The following C12orf42 variants were observed in gnomAD, a reference collection of about 807,000 sequenced individuals.
C12orf42 encodes the protein chromosome 12 open reading frame 42.
In C12orf42, 25 loss-of-function variants were observed where a neutral mutation model predicts 21.6. That is an observed-to-expected ratio of 1.16 (90% CI 0.84 to 1.62). The LOEUF (loss-of-function observed/expected upper bound fraction) is 1.62. Ranked by LOEUF, C12orf42 falls within the 40% of genes most tolerant of loss-of-function variation. The pLI is 0.00. For missense variants in C12orf42, 483 were observed against 459.3 expected, an observed-to-expected ratio of 1.05 and a Z score of -0.47; for synonymous variants, 174 against 175.0, an observed-to-expected ratio of 0.99 and a Z score of 0.05.
intron 2 of C12orf42, among the ~76,000 whole-genome samples, chr12:103,433,088 G>A (rs1950386484): frequency 6.6e-6 from 1 of 152,116 alleles, no homozygotes; most frequent in Non-Finnish European, 1.5e-5. Context: ...TTACTCCTCT[G>A]TATTATCCAG....
At chr12:103,191,821 A>C in the C12orf42 span, among the ~76,000 whole-genome samples, 2 of 151,984 alleles carry the variant, frequency 1.3e-5, no homozygotes, top group African/African-American at 4.8e-5. Context: ...ATGGATATAC[A>C]ATATAAAACT....
At chr12:103,164,810 G>A in the C12orf42 span, 2 of 427,448 alleles carry the variant, frequency 4.7e-6, no homozygotes, top group Admixed American at 5.1e-5. Flanking sequence ...GGTTCAGTAG[G>A]AGAGACAAGA....
At chr12:103,464,729 A>C (rs2137745256) in intron 2 of C12orf42, among the ~76,000 whole-genome samples, 1 of 152,008 alleles carries the variant, frequency 6.6e-6, no homozygotes, top group Non-Finnish European at 1.5e-5. Context: ...ATCCATTTTG[A>C]GTTAATTTTT....
At chr12:103,100,529 C>G in the C12orf42 span, among the ~76,000 whole-genome samples, 1 of 152,196 alleles carries the variant, frequency 6.6e-6, no homozygotes, top group Non-Finnish European at 1.5e-5. Flanking sequence ...TCTGAATGCC[C>G]ATTAAACTGG....
At chr12:103,191,640 C>A in the C12orf42 span, among the ~76,000 whole-genome samples, 1 of 145,740 alleles carries the variant, frequency 6.9e-6, no homozygotes, top group African/African-American at 2.5e-5. Context: ...ACTTGGGAGG[C>A]TGAGCCAGGA....
chr12:103,076,437 T>C, the C12orf42 span, among the ~76,000 whole-genome samples: 1 of 152,040 alleles, frequency 6.6e-6, no homozygotes, highest in African/African-American at 2.4e-5. Flanking sequence ...TCAAACCCAT[T>C]GTGCACCTAT....
intron 10 of C12orf42, among the ~76,000 whole-genome samples, chr12:103,243,619 C>A (rs2033862413): frequency 6.6e-6 from 1 of 152,028 alleles, no homozygotes; most frequent in South Asian, 2.1e-4. Flanking sequence ...TTGATGATGC[C>A]TTTCTAGTAA....
chr12:103,192,047 G>A, the C12orf42 span, among the ~76,000 whole-genome samples: 1 of 151,854 alleles, frequency 6.6e-6, no homozygotes, highest in Non-Finnish European at 1.5e-5. Flanking sequence ...GATAAAGTAA[G>A]ACAGCAGGAG....
the C12orf42 span, among the ~76,000 whole-genome samples, chr12:103,050,688 A>G: frequency 6.6e-6 from 1 of 152,022 alleles, no homozygotes; most frequent in African/African-American, 2.4e-5. Flanking sequence ...CCAGATAACC[A>G]AAACTTAGCC....
the C12orf42 span, among the ~76,000 whole-genome samples, chr12:103,207,160 T>C: frequency 6.6e-6 from 1 of 152,122 alleles, no homozygotes; most frequent in Admixed American, 6.5e-5. Flanking sequence ...CAGACAGAGG[T>C]TGCTCCCTCC....
intron 2 of C12orf42, among the ~76,000 whole-genome samples, chr12:103,438,931 A>G (rs1479659922): frequency 6.6e-6 from 1 of 152,054 alleles, no homozygotes; most frequent in Non-Finnish European, 1.5e-5. Flanking sequence ...TGGAACCAAA[A>G]AAGAGCCCGC....
chr12:103,425,534 T>C (rs1369611669), intron 2 of C12orf42, among the ~76,000 whole-genome samples: 1 of 152,176 alleles, frequency 6.6e-6, no homozygotes, highest in Non-Finnish European at 1.5e-5. Flanking sequence ...CTGGTGATAC[T>C]CAGGCAAACA....
At chr12:103,262,976 A>C (rs1255516439) in intron 10 of C12orf42, among the ~76,000 whole-genome samples, 3 of 152,352 alleles carry the variant, frequency 2.0e-5, no homozygotes, top group South Asian at 2.1e-4. Flanking sequence ...TGCAGCCATA[A>C]AAAGGATGAG....
intron 2 of C12orf42, among the ~76,000 whole-genome samples, chr12:103,453,524 T>C (rs1417964160): frequency 6.6e-6 from 1 of 151,996 alleles, no homozygotes; most frequent in Non-Finnish European, 1.5e-5. Context: ...AAATCTAACT[T>C]TTGGTTTAAT....
intron 4 of C12orf42, among the ~76,000 whole-genome samples, chr12:103,340,220 A>C (rs1300080554): frequency 1.3e-5 from 2 of 152,220 alleles, no homozygotes; most frequent in Non-Finnish European, 2.9e-5. Flanking sequence ...GAGTCTATAG[A>C]GGGTCCCCCT....
chr12:103,264,694 G>T (rs1299504574), downstream of C12orf42, among the ~76,000 whole-genome samples: 1 of 152,054 alleles, frequency 6.6e-6, no homozygotes, highest in Non-Finnish European at 1.5e-5. Context: ...AATTTGTAGG[G>T]CCTGTACCAT....
intron 4 of C12orf42, among the ~76,000 whole-genome samples, chr12:103,326,050 T>C (rs183608022): frequency 1.5e-3 from 236 of 152,326 alleles, no homozygotes; most frequent in African/African-American, 5.5e-3. Context: ...CTATTTTACT[T>C]GTATTAACTA....
chr12:103,499,045 T>A (rs1254524903), upstream of C12orf42, among the ~76,000 whole-genome samples: 1 of 151,022 alleles, frequency 6.6e-6, no homozygotes, highest in Non-Finnish European at 1.5e-5. Flanking sequence ...AAAAAAAAAG[T>A]CTTAACTCAC....
chr12:103,269,811 G>A (rs1483808244), exon 6 of C12orf42: 1 of 152,480 alleles, frequency 6.6e-6, no homozygotes, highest in East Asian at 1.9e-4. Flanking sequence ...ACTCACCTGA[G>A]GAGCCAGGAA....
Sources: allele counts gnomAD v4.1 joint callset (sites outside exome capture counted in the v4.1 genomes callset), GRCh38; gene constraint gnomAD v4.1.1; transcripts MANE v1.5; gene names NCBI Gene and HGNC (gene_info 2026-07-23, HGNC 2026-07-21).